CFAP57: variants seen among roughly 807,000 people sequenced by gnomAD.
CFAP57 encodes cilia and flagella associated protein 57, also known as cilia- and flagella-associated protein 57.
A neutral mutation model predicts 146.8 loss-of-function variants in CFAP57; 116 were observed. The ratio of observed to expected loss-of-function variants is 0.79; its 90% CI spans 0.68 to 0.92. CFAP57 has a LOEUF of 0.92. Among genes scored for constraint, CFAP57 ranks in the 40% least tolerant of loss-of-function variants. The pLI is 0.00. For synonymous variants in CFAP57, 518 were observed against 552.8 expected, an observed-to-expected ratio of 0.94 and a Z score of 0.88; for missense variants, 1,377 against 1,527.2, an observed-to-expected ratio of 0.90 and a Z score of 1.64.
chr1:43,219,970 A>ATAAG (rs1557794461), intron 13 of CFAP57, among the ~76,000 whole-genome samples: 1 of 152,218 alleles, frequency 6.6e-6, no homozygotes, highest in Non-Finnish European at 1.5e-5. Context: ...AAATAAATAA[A>ATAAG]TAAATAAAAA....
intron 6 of CFAP57, among the ~76,000 whole-genome samples, chr1:43,193,701 G>A (rs4660715): frequency 0.18 from 27,332 of 151,542 alleles, 3,567 homozygotes; most frequent in African/African-American, 0.35. Flanking sequence ...AAACCCCAAT[G>A]ACATATTCTT....
intron 11 of CFAP57, among the ~76,000 whole-genome samples, chr1:43,213,226 T>TG (rs1371498541): frequency 6.6e-6 from 1 of 152,316 alleles, no homozygotes; most frequent in East Asian, 1.9e-4. Context: ...TAGCTGGGAT[T>TG]ACAGGCACAT....
chr1:43,184,152 A>G (rs1645540382), intron 4 of CFAP57, among the ~76,000 whole-genome samples: 2 of 152,204 alleles, frequency 1.3e-5, no homozygotes, highest in South Asian at 4.1e-4. Flanking sequence ...TTTAGAAAAT[A>G]TATTTTCCAG....
intron 6 of CFAP57, among the ~76,000 whole-genome samples, chr1:43,189,776 A>T (rs1643382119): frequency 6.6e-6 from 1 of 152,200 alleles, no homozygotes; most frequent in South Asian, 2.1e-4. Context: ...AGGGTTCAGG[A>T]AGCTTACAAT....
At chr1:43,181,965 T>C in intron 3 of CFAP57, 115 bp downstream of exon 3, 1 of 1,210,558 alleles carries the variant, frequency 8.3e-7, no homozygotes, top group Non-Finnish European at 1.2e-6. Flanking sequence ...AAATTTATTC[T>C]TACAACAACC....
rs373818372 is a variant in CFAP57, at chr1:43,206,372, C to G, written c.1543-348C>G. 7 of 249,176 alleles carry G rather than the reference C, an allele frequency of 2.8e-5. No individual in the cohort carries two copies. In the East Asian group the frequency reaches 4.3e-4, roughly 15 times the overall value. 15.4% of individuals were successfully genotyped at this position (249,176 alleles called of 1,614,324 possible). A position where few individuals can be genotyped will look rare whatever the true frequency, so the allele number is the denominator to read the frequency against. The stretch of plus-strand genomic sequence containing the variant: ...GTGCCATTCCAGAAGTCCACTCTCT[C>G]TGTGCTATTTTTGCAAGTTTCTGTG... On this transcript the variant is annotated intron_variant, in intron 9 of 22. Coordinates refer to ENST00000372492, the MANE Select transcript of CFAP57 (RefSeq NM_001378189.1).
At chr1:43,194,627 A>G (rs1643744842) in intron 6 of CFAP57, 1 of 152,118 alleles carries the variant, frequency 6.6e-6, no homozygotes, top group Non-Finnish European at 1.5e-5. Flanking sequence ...GAGGCTCTGT[A>G]AATTTCTAAT....
In CFAP57 at chr1:43,201,803, C is replaced by T. The variant is rs561081253; in HGVS notation, c.1542+2300C>T. Reference sequence around the variant, plus strand: ...GGTAATTTTGTATTTTTAATAGAGACGGGGTTTCTCCATGTTGGTCAGGCT... The same window carrying T: ...GGTAATTTTGTATTTTTAATAGAGATGGGGTTTCTCCATGTTGGTCAGGCT... On this transcript the variant is annotated intron_variant, in intron 9 of 22. Transcript: ENST00000372492. This position sits in a 1 kb window ranked among gnomAD's most constrained non-coding sequence, Gnocchi z 4.4. Among the ~76,000 whole-genome samples, 5 of 152,236 alleles carry T rather than the reference C, an allele frequency of 3.3e-5. No individual in the cohort carries two copies. The highest frequency in any genetic ancestry group is 7.2e-5 in the African/African-American group (3 of 41,554).
intron 11 of CFAP57, 130 bp downstream of exon 11, chr1:43,210,046 A>G: frequency 6.2e-7 from 1 of 1,614,078 alleles, no homozygotes; most frequent in East Asian, 2.2e-5. Context: ...TCATTCATTG[A>G]ATCACCATCT....
chr1:43,172,567 G>C, intron 1 of CFAP57, 114 bp downstream of exon 1: 2 of 712,746 alleles, frequency 2.8e-6, no homozygotes, highest in South Asian at 3.4e-5. Context: ...GACCCCGGGG[G>C]AGGGGAAAGG....
rs527912100 is a variant in CFAP57 at position 43,242,317 on chromosome 1, G to A, written c.3406-910G>A. ...CCATGTTAAACTGTACCCACACCCCGCACTAAACTGTAAACTCCTCAAGAG... is the reference window on the plus strand; with the variant it reads ...CCATGTTAAACTGTACCCACACCCCACACTAAACTGTAAACTCCTCAAGAG... On this transcript the variant is annotated intron_variant, in intron 21 of 22. Coordinates refer to ENST00000372492, the MANE Select transcript of CFAP57 (RefSeq NM_001378189.1). 2.6e-5 allele frequency among the ~76,000 whole-genome samples: 4 copies of A among 152,174 alleles called. No homozygotes were observed. The South Asian group carries it at 6.2e-4, about 24-fold the overall frequency.
intron 7 of CFAP57, among the ~76,000 whole-genome samples, 165 bp downstream of exon 7, chr1:43,197,857 C>T (rs990891495): frequency 6.6e-6 from 1 of 152,210 alleles, no homozygotes; most frequent in Non-Finnish European, 1.5e-5. Context: ...CTCACTCTTG[C>T]GTGGGCTAGA....
intron 2 of CFAP57, among the ~76,000 whole-genome samples, chr1:43,178,698 TAGTTCA>T (rs1645264551): frequency 1.3e-5 from 2 of 152,206 alleles, no homozygotes; most frequent in South Asian, 4.1e-4. Context: ...GACTGTAAAC[TAGTTCA>T]AGCATTGTGG....
At chr1:43,203,097 TG>T (rs993472285) in intron 9 of CFAP57, among the ~76,000 whole-genome samples, 10 of 151,864 alleles carry the variant, frequency 6.6e-5, no homozygotes, top group Non-Finnish European at 1.5e-4. Context: ...GGCATGAACC[TG>T]GGGGATGGAG....
Position 43,181,969 on chromosome 1 carries a change from A to G in CFAP57, c.474+119A>G, listed in dbSNP as rs148816858. The G allele has an allele frequency of 3.7e-4, 432 of 1,171,468 alleles. 1 individual carries two copies. The highest frequency in any genetic ancestry group is 2.4e-3 in the Middle Eastern group (11 of 4,652). The allele number at this position is 1,171,468 out of a possible 1,614,324, so 72.6% of individuals were successfully genotyped here. A position where few individuals can be genotyped will look rare whatever the true frequency, so the allele number is the denominator to read the frequency against. ...CATGCATTTTAAAATTTATTCTTACAACAACCGTATAAGGTATGCACAATC... is the reference window on the plus strand; with the variant it reads ...CATGCATTTTAAAATTTATTCTTACGACAACCGTATAAGGTATGCACAATC... On this transcript the variant is annotated intron_variant, in intron 3 of 22. Coordinates refer to ENST00000372492, the MANE Select transcript of CFAP57 (RefSeq NM_001378189.1).
chr1:43,185,187 C>G lies in CFAP57; in HGVS notation c.800C>G (p.Ser267Cys), dbSNP rs1168594363. 1 of 1,614,078 alleles carries G rather than the reference C, an allele frequency of 6.2e-7. No individual in the cohort carries two copies. Among genetic ancestry groups the G allele is most frequent in the Non-Finnish European group, 8.5e-7 (1 of 1,180,040 alleles). The change falls in exon 5 of 23, where the codon TCC (serine) becomes TGC (cysteine). Residue 267 changes from serine (S) to cysteine (C), a missense_variant. By Grantham distance (112) the Ser-to-Cys change is moderately radical. Transcript: ENST00000372492. ...CCACCAGTCAGTTCTCCACTCCCTTCCTATGAACAGATGGTGGCGGCCAGT... is the reference window on the plus strand; with the variant it reads ...CCACCAGTCAGTTCTCCACTCCCTTGCTATGAACAGATGGTGGCGGCCAGT... Reference protein sequence around the residue: ...EFPPVSSPLPSYEQMVAASSH... With the variant: ...EFPPVSSPLPCYEQMVAASSH...
chr1:43,248,152 A>G (rs1306213484), intron 22 of CFAP57, among the ~76,000 whole-genome samples: 1 of 151,124 alleles, frequency 6.6e-6, no homozygotes, highest in Non-Finnish European at 1.5e-5. Flanking sequence ...AAAAAAAAAA[A>G]AAAAAAAACA....
chr1:43,232,189 G>C (rs1164640121), intron 18 of CFAP57: 2 of 641,358 alleles, frequency 3.1e-6, no homozygotes, highest in South Asian at 3.4e-5. Context: ...TCTAGTGCTT[G>C]GGTGTCACCA....
At chr1:43,212,093 C>T (rs1023916149) in intron 11 of CFAP57, among the ~76,000 whole-genome samples, 1 of 152,204 alleles carries the variant, frequency 6.6e-6, no homozygotes, top group African/African-American at 2.4e-5. Flanking sequence ...CCGTGTATCC[C>T]TCAATCAGTT....
Sources: allele counts gnomAD v4.1 joint callset (sites outside exome capture counted in the v4.1 genomes callset), GRCh38; gene constraint gnomAD v4.1.1; non-coding constraint Gnocchi (gnomAD v3.1); transcripts MANE v1.5; gene names NCBI Gene and HGNC (gene_info 2026-07-23, HGNC 2026-07-21).